SLC14A2: variants seen among roughly 807,000 people sequenced by gnomAD.
SLC14A2 encodes solute carrier family 14 member 2, also known as urea transporter 2.
SLC14A2 carries 91 observed loss-of-function variants against 104.6 expected under a neutral mutation model. The observed-to-expected ratio is 0.87, with a 90% CI of 0.73 to 1.04. SLC14A2 has a LOEUF of 1.04. Among genes scored for constraint, SLC14A2 ranks in the 50% least tolerant of loss-of-function variants. The probability of loss-of-function intolerance (pLI) is 0.00; values close to 1 mark genes in which losing one functional copy is unlikely to be tolerated. For missense variants in SLC14A2, 1,189 were observed against 1,156.0 expected, an observed-to-expected ratio of 1.03 and a Z score of -0.41; for synonymous variants, 476 against 466.4, an observed-to-expected ratio of 1.02 and a Z score of -0.27.
At chr18:45,338,382 T>A (rs1211285290) in intron 1 of SLC14A2, among the ~76,000 whole-genome samples, 2 of 152,032 alleles carry the variant, frequency 1.3e-5, no homozygotes, top group South Asian at 2.1e-4. Flanking sequence ...TTGTATTTTT[T>A]AGTAGAGACA....
intron 1 of SLC14A2, among the ~76,000 whole-genome samples, chr18:45,378,474 A>G (rs892240637): frequency 6.6e-6 from 1 of 152,170 alleles, no homozygotes; most frequent in Non-Finnish European, 1.5e-5. Flanking sequence ...TTTCTTTACA[A>G]CTGTGAGATG....
intron 2 of SLC14A2, among the ~76,000 whole-genome samples, chr18:45,490,154 A>G (rs983711811): frequency 5.9e-5 from 9 of 152,234 alleles, no homozygotes; most frequent in South Asian, 4.1e-4. Context: ...CAAAGGGCCA[A>G]GAACAGTCCA....
At chr18:45,460,099 T>C (rs2087016807) in intron 1 of SLC14A2, among the ~76,000 whole-genome samples, 2 of 152,210 alleles carry the variant, frequency 1.3e-5, no homozygotes, top group African/African-American at 4.8e-5. Context: ...TTCTGAGAGA[T>C]TGAGTTTCCA....
chr18:45,358,996 T>C (rs1465384739), intron 1 of SLC14A2, among the ~76,000 whole-genome samples: 2 of 152,216 alleles, frequency 1.3e-5, no homozygotes, highest in Non-Finnish European at 2.9e-5. Flanking sequence ...TGCATGGCCT[T>C]GGGCAAGTTA....
chr18:45,244,612 C>A (rs947474156), intron 1 of SLC14A2, among the ~76,000 whole-genome samples: 2 of 150,746 alleles, frequency 1.3e-5, no homozygotes, highest in African/African-American at 2.4e-5. Flanking sequence ...AGTGACAGGG[C>A]AAGACTCTGT....
chr18:45,478,530 A>G (rs572979098), intron 1 of SLC14A2, among the ~76,000 whole-genome samples: 3 of 152,254 alleles, frequency 2.0e-5, no homozygotes, highest in African/African-American at 4.8e-5. Context: ...GTTTCCTTTT[A>G]TCATTACCTT....
At chr18:45,586,906 A>G (rs2044573980) in intron 2 of SLC14A2, among the ~76,000 whole-genome samples, 1 of 152,114 alleles carries the variant, frequency 6.6e-6, no homozygotes, top group Non-Finnish European at 1.5e-5. Flanking sequence ...CCCTTTCCCT[A>G]TCAATTTAAG....
At chr18:45,601,646 G>T (rs1295252812) in intron 2 of SLC14A2, among the ~76,000 whole-genome samples, 11 of 152,176 alleles carry the variant, frequency 7.2e-5, no homozygotes, top group Non-Finnish European at 4.4e-5. Flanking sequence ...GACCCAGAAG[G>T]AATCTCCCAG....
At chr18:45,347,908 T>C (rs771635559) in intron 1 of SLC14A2, among the ~76,000 whole-genome samples, 2 of 152,240 alleles carry the variant, frequency 1.3e-5, no homozygotes, top group African/African-American at 2.4e-5. Context: ...TCTTAGCCCA[T>C]GGTCCGGGGT....
intron 1 of SLC14A2, among the ~76,000 whole-genome samples, chr18:45,308,809 C>T (rs2144209515): frequency 6.6e-6 from 1 of 152,280 alleles, no homozygotes; most frequent in South Asian, 2.1e-4. Flanking sequence ...CTGAACATAA[C>T]AAAAACACAA....
At chr18:45,477,013 T>G (rs544019894) in intron 1 of SLC14A2, among the ~76,000 whole-genome samples, 19 of 152,322 alleles carry the variant, frequency 1.2e-4, no homozygotes, top group Admixed American at 9.8e-4. Context: ...TCCATCCAGT[T>G]TTATTCCCTT....
rs563635499 is a variant in SLC14A2, at chr18:45,642,611, T to C, written c.1127-521T>C. 1.1e-4 allele frequency among the ~76,000 whole-genome samples: 17 copies of C among 152,310 alleles called. No homozygotes were observed. The East Asian group carries it at 1.4e-3, about 12-fold the overall frequency. ...GACTGTCCTCAGGACCCAGCTCCCA[T>C]GGGGGAACCCAGCTGCCTGGCTCCT... is the stretch of plus-strand genomic sequence containing the variant. On this transcript the variant is annotated intron_variant, in intron 8 of 19. Transcript: ENST00000255226.
At chr18:45,240,819 G>A (rs1243673931) in intron 1 of SLC14A2, among the ~76,000 whole-genome samples, 1 of 151,430 alleles carries the variant, frequency 6.6e-6, no homozygotes, top group African/African-American at 2.4e-5. Flanking sequence ...CACTATGCCC[G>A]GCTCATTTTT....
chr18:45,203,420 T>C, the SLC14A2 span, among the ~76,000 whole-genome samples: 1 of 152,202 alleles, frequency 6.6e-6, no homozygotes, highest in African/African-American at 2.4e-5. Context: ...TAATGTTGTT[T>C]CTTCTTGCTA....
chr18:45,560,620 T>A (rs899390418), intron 2 of SLC14A2, among the ~76,000 whole-genome samples: 1 of 152,086 alleles, frequency 6.6e-6, no homozygotes, highest in African/African-American at 2.4e-5. Context: ...TATGGAGGAA[T>A]GAAAAGTGAT....
chr18:45,205,017 A>C, the SLC14A2 span, among the ~76,000 whole-genome samples: 2 of 152,286 alleles, frequency 1.3e-5, no homozygotes, highest in African/African-American at 4.8e-5. Context: ...CCTCCATAGG[A>C]AATGTAAGTA....
At chr18:45,346,830 C>T (rs570200946) in intron 1 of SLC14A2, among the ~76,000 whole-genome samples, 24 of 151,964 alleles carry the variant, frequency 1.6e-4, no homozygotes, top group African/African-American at 4.6e-4. Context: ...GGCGTGGTGG[C>T]GGGCACCTGT....
intron 2 of SLC14A2, among the ~76,000 whole-genome samples, chr18:45,547,630 T>C (rs181626176): frequency 2.9e-4 from 44 of 152,318 alleles, no homozygotes; most frequent in African/African-American, 1.0e-3. Context: ...CGCCTTGTGA[T>C]CTTGGGCTCA....
intron 5 of SLC14A2, among the ~76,000 whole-genome samples, chr18:45,636,659 T>C (rs539814900): frequency 1.3e-5 from 2 of 152,248 alleles, no homozygotes; most frequent in Non-Finnish European, 1.5e-5. Context: ...TTTAGTTTTC[T>C]TGGTTTAAAA....
Sources: allele counts gnomAD v4.1 joint callset (sites outside exome capture counted in the v4.1 genomes callset), GRCh38; gene constraint gnomAD v4.1.1; transcripts MANE v1.5; gene names NCBI Gene and HGNC (gene_info 2026-07-23, HGNC 2026-07-21).